Variants in SPPL2B observed in about 807,000 individuals in gnomAD.
SPPL2B encodes the protein signal peptide peptidase like 2B, also known as signal peptide peptidase-like 2B.
SPPL2B carries 39 observed loss-of-function variants against 59.7 expected under a neutral mutation model. The observed-to-expected ratio is 0.65, with a 90% CI of 0.51 to 0.85. The LOEUF is 0.85. SPPL2B is among the 40% of genes least tolerant of loss of function. The pLI, the probability that SPPL2B is intolerant of heterozygous loss-of-function variation, is 0.00. For synonymous variants in SPPL2B, 419 were observed against 370.8 expected (o/e 1.13, Z -1.49); for missense variants, 865 against 849.0 (o/e 1.02, Z -0.23).
chr19:2,351,554 G>A lies in SPPL2B; in HGVS notation c.1475G>A (p.Arg492His), dbSNP rs1434530105. The part of the protein sequence containing the change: ...LVTSCAVALW[R>H]RELGVFWTGS... The stretch of plus-strand genomic sequence containing the variant: ...ACGAGCTGCGCTGTGGCGCTCTGGC[G>A]CCGGGAGCTGGGCGTGTTCTGGACG... Residue 492 changes from arginine (R) to histidine (H), a missense_variant, in exon 14 of 15, where the codon CGC becomes CAC. Transcript: ENST00000613503. 5 of 1,611,264 alleles carry A rather than the reference G, an allele frequency of 3.1e-6. No individual in the cohort carries two copies. Among genetic ancestry groups the A allele is most frequent in the East Asian group, 2.2e-5 (1 of 44,886 alleles).
At position 2,339,049 on chromosome 19, in the gene SPPL2B, C is replaced by T. The variant is rs556286786; in HGVS notation, c.460-20C>T. 49 of 1,544,026 alleles carry T rather than the reference C, an allele frequency of 3.2e-5. No individual in the cohort carries two copies. Among genetic ancestry groups the T allele is most frequent in the African/African-American group, 9.6e-5 (7 of 73,090 alleles). ...GGCGGGTGGCTCTGACGCCTGCCTC[C>T]GGTGTGTTCCTTGAGGCAGCGTTTC... is the stretch of plus-strand genomic sequence containing the variant. On this transcript the variant is annotated intron_variant, in intron 4 of 14. Transcript: ENST00000613503.
chr19:2,348,209 A>G (rs1413282499), intron 13 of SPPL2B, among the ~76,000 whole-genome samples: 1 of 89,684 alleles, frequency 1.1e-5, no homozygotes, highest in Non-Finnish European at 2.2e-5. Flanking sequence ...TTCTCTCTCC[A>G]CACACACACA....
In SPPL2B at chr19:2,351,445, G is replaced by T; in HGVS notation, c.1366G>T (p.Gly456Cys). 1 of 1,606,228 alleles carries T rather than the reference G, an allele frequency of 6.2e-7. No individual in the cohort carries two copies. The highest frequency in any genetic ancestry group is 8.5e-7 in the Non-Finnish European group (1 of 1,177,178). The part of the protein sequence containing the change: ...FVACTIAYGV[G>C]LLVTFVALAL... Reference sequence around the variant, plus strand: ...CTCTGTCCCCACAGCCTATGGCGTTGGCCTCCTTGTGACATTCGTGGCACT... The same window carrying T: ...CTCTGTCCCCACAGCCTATGGCGTTTGCCTCCTTGTGACATTCGTGGCACT... Residue 456 changes from glycine to cysteine, a missense_variant, in exon 14 of 15, where the codon GGC becomes TGC. Transcript: ENST00000613503.
intron 2 of SPPL2B, 115 bp from the exon 3 acceptor site, chr19:2,337,328 C>T: frequency 2.9e-6 from 3 of 1,040,082 alleles, no homozygotes; most frequent in Non-Finnish European, 4.2e-6. Flanking sequence ...CCGTGCGGGG[C>T]TTTAGGTGAG....
chr19:2,329,858 T>TA (rs1387041497), intron 1 of SPPL2B, among the ~76,000 whole-genome samples: 2 of 152,216 alleles, frequency 1.3e-5, no homozygotes, highest in East Asian at 3.9e-4. Flanking sequence ...CTTCACTCTC[T>TA]AGTCTTTTCT....
chr19:2,344,691 G>A (rs1273953781), intron 12 of SPPL2B, 39 bp downstream of exon 12: 1 of 1,376,542 alleles, frequency 7.3e-7, no homozygotes, highest in East Asian at 2.3e-5. Flanking sequence ...CACGCTGTGG[G>A]GCAGGGCCCC....
chr19:2,353,448 T>G lies in SPPL2B; in HGVS notation c.*239T>G, dbSNP rs1485451648. ...GCTCGCCCGGCTGCCACAAGCTCTCTGCGGGTCCATCCTCCCCACCGGGGT... is the reference window on the plus strand; with the variant it reads ...GCTCGCCCGGCTGCCACAAGCTCTCGGCGGGTCCATCCTCCCCACCGGGGT... On this transcript the variant is annotated 3_prime_UTR_variant, in exon 15 of 15. Coordinates refer to ENST00000613503, the MANE Select transcript of SPPL2B (RefSeq NM_152988.3). The G allele has an allele frequency of 1.1e-5, 6 of 555,608 alleles. No homozygotes were observed. The allele number at this position is 555,608 out of a possible 1,614,324, so 34.4% of individuals were successfully genotyped here. A position where few individuals can be genotyped will look rare whatever the true frequency, so the allele number is the denominator to read the frequency against.
chr19:2,342,839 GA>G, intron 8 of SPPL2B: 1 of 241,834 alleles, frequency 4.1e-6, no homozygotes, highest in Non-Finnish European at 8.5e-6. Context: ...ACCATCCGGG[GA>G]CAGCGACTGA....
chr19:2,337,287 G>A (rs3752203), intron 2 of SPPL2B, 156 bp from the exon 3 acceptor site: 22,495 of 643,732 alleles, frequency 0.035, 2,103 homozygotes, highest in East Asian at 0.32. Flanking sequence ...GGGAGCTGCA[G>A]TAGGGATGGC....
At chr19:2,334,468 A>G (rs1019878914) in intron 1 of SPPL2B, 134 bp from the exon 2 acceptor site, 6 of 1,210,982 alleles carry the variant, frequency 5.0e-6, no homozygotes, top group African/African-American at 4.6e-5. Flanking sequence ...GAGAGGGGGA[A>G]GCATCCCAGA....
In SPPL2B at chr19:2,339,004, C is replaced by T; in HGVS notation, c.460-65C>T. The T allele has an allele frequency of 3.3e-6, 5 of 1,521,718 alleles. No homozygotes were observed. The South Asian group carries it at 4.9e-5, about 15-fold the overall frequency. 94.3% of individuals were successfully genotyped at this position (1,521,718 alleles called of 1,614,324 possible). ...CCAGCCCCAGCCCCACAGCCCACAGCTGCACGTCGACCCATGGCTGGCGGG... is the reference window on the plus strand; with the variant it reads ...CCAGCCCCAGCCCCACAGCCCACAGTTGCACGTCGACCCATGGCTGGCGGG... On this transcript the variant is annotated intron_variant, in intron 4 of 14. Transcript: ENST00000613503.
At chr19:2,345,923 C>T (rs576251319) in intron 13 of SPPL2B, among the ~76,000 whole-genome samples, 138 of 152,140 alleles carry the variant, frequency 9.1e-4, no homozygotes, top group South Asian at 2.9e-3. Flanking sequence ...TGGTCTTTCT[C>T]ATTCTCCCTG....
In SPPL2B at chr19:2,340,076, T is replaced by A; in HGVS notation, c.743T>A (p.Val248Glu). The A allele has an allele frequency of 6.3e-7, 1 of 1,592,868 alleles. No individual in the cohort carries two copies. Among genetic ancestry groups the A allele is most frequent in the Non-Finnish European group, 8.5e-7 (1 of 1,173,926 alleles). The change falls in exon 7 of 15, where the codon GTG (valine) becomes GAG (glutamate). Residue 248 changes from valine (V) to glutamate (E), a missense_variant and splice_region_variant. By Grantham distance (121) the Val-to-Glu change is moderately radical. Coordinates refer to ENST00000613503, the MANE Select transcript of SPPL2B (RefSeq NM_152988.3). The part of the protein sequence containing the change: ...VLLYYFYDLL[V>E]YVVIGIFCLA... The stretch of plus-strand genomic sequence containing the variant: ...CGGCCTCACGGCCCTGCCCCTGCAG[T>A]GTACGTGGTCATCGGGATCTTCTGC...
In SPPL2B at chr19:2,337,509, G is replaced by A. The variant is rs978567536; in HGVS notation, c.253G>A (p.Gly85Ser). Reference protein sequence around the residue: ...LCSAADLPARGFSNQIPLVAR... With the variant: ...LCSAADLPARSFSNQIPLVAR... ...CTCCGCAGCCGACCTCCCCGCCCGT[G>A]GCTTCAGCAACCAGATCCCGCTGGT... The change falls in exon 3 of 15, where the codon GGC becomes AGC. Residue 85 changes from glycine to serine, a missense_variant. Transcript: ENST00000613503. The A allele has an allele frequency of 1.5e-5, 25 of 1,613,248 alleles. No individual in the cohort carries two copies. Among genetic ancestry groups the A allele is most frequent in the Non-Finnish European group, 2.0e-5 (24 of 1,179,718 alleles).
intron 12 of SPPL2B, among the ~76,000 whole-genome samples, chr19:2,344,987 TGTACCCTC>T (rs1389150250): frequency 2.0e-5 from 3 of 152,134 alleles, no homozygotes; most frequent in African/African-American, 7.2e-5. Flanking sequence ...AGGCAGAGAC[TGTACCCTC>T]GCAGCCTCAG....
Position 2,347,354 on chromosome 19 carries a change from C to CCA in SPPL2B, c.1354+2036_1354+2037dup, listed in dbSNP as rs1241893294. On this transcript the variant is annotated intron_variant, in intron 13 of 14. Transcript: ENST00000613503. ...TCATTCGCCTGATTCCGTTCTCTCT[C>CCA]CACACACACACACTCTCATTCGCCT... 1.4e-3 allele frequency among the ~76,000 whole-genome samples: 35 copies of CCA among 24,734 alleles called. 2 individuals carry two copies. Among genetic ancestry groups the CCA allele is most frequent in the Admixed American group, 3.2e-3 (6 of 1,862 alleles). 16.2% of individuals were successfully genotyped at this position (24,734 alleles called of 152,430 possible). A position where few individuals can be genotyped will look rare whatever the true frequency, so the allele number is the denominator to read the frequency against.
chr19:2,337,657 C>T (rs3752206), intron 3 of SPPL2B, 32 bp downstream of exon 3: 1 of 1,509,824 alleles, frequency 6.6e-7, no homozygotes, highest in Non-Finnish European at 8.8e-7. Flanking sequence ...GCTGGGCCAG[C>T]TCTCAGGGGC....
chr19:2,347,352 CT>C (rs1431048579), intron 13 of SPPL2B, among the ~76,000 whole-genome samples: 11 of 44,448 alleles, frequency 2.5e-4, no homozygotes, highest in Admixed American at 1.8e-3. Context: ...TCCGTTCTCT[CT>C]CCACACACAC....
chr19:2,336,180 G>T (rs35865268), intron 2 of SPPL2B, among the ~76,000 whole-genome samples: 222 of 152,070 alleles, frequency 1.5e-3, no homozygotes, highest in Admixed American at 2.4e-3. Flanking sequence ...TAGGTGTGTG[G>T]GGGCATGTGC....
Sources: gnomAD v4.1 joint callset for allele counts (sites outside exome capture counted in the v4.1 genomes callset) on GRCh38, gnomAD v4.1.1 for gene constraint, MANE v1.5 for transcripts, NCBI Gene and HGNC (gene_info 2026-07-23, HGNC 2026-07-21) for gene names.